The following TOM1 variants were observed in gnomAD, a reference collection of about 807,000 sequenced individuals.
TOM1 encodes target of myb1 membrane trafficking protein, also known as target of Myb protein 1.
Under a neutral mutation model 61.3 loss-of-function variants are expected in TOM1, and 38 were observed. The ratio of observed to expected loss-of-function variants is 0.62; its 90% confidence interval spans 0.48 to 0.81. TOM1 has a LOEUF of 0.81. Ranked by LOEUF, TOM1 falls within the 40% of genes least tolerant of loss-of-function variation. TOM1 has a pLI of 0.00. For synonymous variants in TOM1, 270 were observed against 268.8 expected (o/e 1.00, Z -0.04); for missense variants, 591 against 659.6 (o/e 0.90, Z 1.14).
intron 1 of TOM1, among the ~76,000 whole-genome samples, chr22:35,303,863 A>G (rs889456058): frequency 4.6e-5 from 7 of 152,144 alleles, no homozygotes; most frequent in African/African-American, 1.7e-4. Context: ...GTGGTTGTGC[A>G]TGTCTGTCTC....
chr22:35,326,036 A>G (rs1185597979), intron 6 of TOM1, among the ~76,000 whole-genome samples: 1 of 152,206 alleles, frequency 6.6e-6, no homozygotes, highest in African/African-American at 2.4e-5. Context: ...TAGTGGATAT[A>G]CTACTAGTCT....
chr22:35,320,688 T>C (rs907365589), intron 2 of TOM1, among the ~76,000 whole-genome samples: 1 of 152,160 alleles, frequency 6.6e-6, no homozygotes, highest in African/African-American at 2.4e-5. Context: ...CTCTGCTCTT[T>C]TTCCAGGACC....
chr22:35,321,821 C>G, intron 2 of TOM1, 138 bp from the exon 3 acceptor site: 1 of 809,148 alleles, frequency 1.2e-6, no homozygotes, highest in Non-Finnish European at 2.2e-6. Context: ...CTGATGTGAT[C>G]AGAACCTGGC....
At chr22:35,328,308 C>T (rs180702624) in intron 7 of TOM1, among the ~76,000 whole-genome samples, 2 of 152,340 alleles carry the variant, frequency 1.3e-5, no homozygotes, top group Admixed American at 1.3e-4. Context: ...AAGCCAAGGC[C>T]ATGAGATGTG....
chr22:35,331,302 G>A (rs1407308718), intron 8 of TOM1: 9 of 448,770 alleles, frequency 2.0e-5, no homozygotes, highest in Non-Finnish European at 2.7e-5. Flanking sequence ...GCAGAGACAG[G>A]GGTCTCACTG....
chr22:35,337,429 G>A (rs1929457520), intron 11 of TOM1, among the ~76,000 whole-genome samples: 2 of 152,166 alleles, frequency 1.3e-5, no homozygotes, highest in South Asian at 4.1e-4. Context: ...TGGCTTTAAG[G>A]TTGGCTCCAG....
intron 3 of TOM1, 92 bp from the exon 4 acceptor site, chr22:35,322,936 C>T: frequency 2.7e-6 from 4 of 1,503,604 alleles, no homozygotes; most frequent in Non-Finnish European, 3.6e-6. Context: ...CGGGCCTCCT[C>T]TCTGGGACAC....
In TOM1 at chr22:35,338,740, A is replaced by C; in HGVS notation, c.1176A>C (p.Thr392=). Residue 392 remains threonine (T), a synonymous_variant, in exon 12 of 15, where the codon ACA becomes ACC. Coordinates refer to ENST00000449058, the MANE Select transcript of TOM1 (RefSeq NM_005488.3). ...TAAAATACGAAGCCCCCCAAGCAAC[A>C]GACGGCCTGGCTGGAGCCCTGGACG... ...KEVKYEAPQA[T]DGLAGALDAR... The C allele has an allele frequency of 3.8e-6, 6 of 1,599,132 alleles. No homozygotes were observed. The highest frequency in any genetic ancestry group is 5.1e-6 in the Non-Finnish European group (6 of 1,173,646).
Position 35,327,405 on chromosome 22 carries a change from C to T in TOM1, c.765+18C>T, listed in dbSNP as rs1928432689. 1 of 1,577,088 alleles carries T rather than the reference C, an allele frequency of 6.3e-7. No individual in the cohort carries two copies. Reference sequence around the variant, plus strand: ...TGCTGCAGGTGAGCAGGTGGCACCACCCCCTGGGGCTCAGATGACTCCTGC... The same window carrying T: ...TGCTGCAGGTGAGCAGGTGGCACCATCCCCTGGGGCTCAGATGACTCCTGC... On this transcript the variant is annotated intron_variant, in intron 7 of 14. Transcript: ENST00000449058.
Position 35,323,272 on chromosome 22 carries a change from A to G in TOM1, c.366+95A>G. ...GAGTCGAGGCCATCGTGTTTGTCCC[A>G]GGCTCCGCTTCTCATTTCGGGGCGT... On this transcript the variant is annotated intron_variant, in intron 4 of 14. Transcript: ENST00000449058. This position sits in a 1 kb window ranked among gnomAD's most constrained non-coding sequence, Gnocchi z 4.2. 6.6e-7 allele frequency: 1 copy of G among 1,510,506 alleles called. No individual in the cohort carries two copies. Among genetic ancestry groups the G allele is most frequent in the Admixed American group, 2.1e-5 (1 of 48,106 alleles). The allele number at this position is 1,510,506 out of a possible 1,614,324, so 93.6% of individuals were successfully genotyped here.
At chr22:35,320,221 G>A (rs1214799381) in intron 2 of TOM1, among the ~76,000 whole-genome samples, 2 of 152,248 alleles carry the variant, frequency 1.3e-5, no homozygotes, top group African/African-American at 4.8e-5. Context: ...GAGGACCTGG[G>A]AAAGTGTTGT....
intron 7 of TOM1, among the ~76,000 whole-genome samples, chr22:35,328,780 G>C (rs567481163): frequency 6.6e-6 from 1 of 152,198 alleles, no homozygotes; most frequent in African/African-American, 2.4e-5. Flanking sequence ...GAGCCTCAGC[G>C]TTGCCTCCAG....
intron 1 of TOM1, among the ~76,000 whole-genome samples, chr22:35,302,330 C>CTTTTTTTTTTTTTTTTT (rs138734): frequency 1.0e-3 from 74 of 70,860 alleles, no homozygotes; most frequent in East Asian, 2.2e-3. Context: ...TTTTCTTTTT[C>CTTTTTTTTTTTTTTTTT]TTTTTTTTTT....
At chr22:35,300,990 T>G (rs924532089) in intron 1 of TOM1, among the ~76,000 whole-genome samples, 2 of 147,824 alleles carry the variant, frequency 1.4e-5, no homozygotes, top group Admixed American at 1.4e-4. Context: ...GGCGGGCAGA[T>G]CGCTTGAGCC....
At chr22:35,318,101 A>T in intron 2 of TOM1, 140 bp downstream of exon 2, 1 of 743,250 alleles carries the variant, frequency 1.3e-6, no homozygotes, top group South Asian at 1.6e-5. Context: ...GCTTGGCTGC[A>T]GAGGCCATCT....
chr22:35,329,785 G>A (rs1190472971), intron 7 of TOM1, among the ~76,000 whole-genome samples: 1 of 152,204 alleles, frequency 6.6e-6, no homozygotes, highest in Non-Finnish European at 1.5e-5. Flanking sequence ...GAATCTGCAC[G>A]AAGCCAAGTT....
intron 7 of TOM1, among the ~76,000 whole-genome samples, chr22:35,327,869 GGTT>G (rs2145675234): frequency 6.6e-6 from 1 of 152,280 alleles, no homozygotes; most frequent in South Asian, 2.1e-4. Context: ...TGGAGCTAGT[GGTT>G]CCTGCTCCCG....
intron 2 of TOM1, 79 bp downstream of exon 2, chr22:35,318,040 G>A (rs1927461083): frequency 1.4e-5 from 18 of 1,300,902 alleles, no homozygotes; most frequent in South Asian, 7.1e-5. Flanking sequence ...CTTCCAGGGA[G>A]CCCCTGCCCC....
chr22:35,313,627 G>A (rs1927029627), intron 1 of TOM1, among the ~76,000 whole-genome samples: 1 of 152,212 alleles, frequency 6.6e-6, no homozygotes, highest in Non-Finnish European at 1.5e-5. Flanking sequence ...TATGAGTTAG[G>A]TCAGGCCAGA....
Sources: gnomAD v4.1 joint callset for allele counts (sites outside exome capture counted in the v4.1 genomes callset) on GRCh38, gnomAD v4.1.1 for gene constraint, Gnocchi (gnomAD v3.1) non-coding constraint, MANE v1.5 for transcripts, NCBI Gene and HGNC (gene_info 2026-07-23, HGNC 2026-07-21) for gene names.